The following ADAT3 variants were observed in gnomAD, a reference collection of about 807,000 sequenced individuals.
ADAT3 encodes adenosine deaminase tRNA specific 3.
Under a neutral mutation model 3.5 loss-of-function variants are expected in ADAT3, and 2 were observed. The ratio of observed to expected loss-of-function variants is 0.57; its 90% confidence interval spans 0.23 to 1.79. ADAT3 has a LOEUF of 1.79. ADAT3 is among the 40% of genes most tolerant of loss of function. ADAT3 has a pLI of 0.18. For synonymous variants in ADAT3, 358 were observed against 270.3 expected, an observed-to-expected ratio of 1.32 and a Z score of -3.18; for missense variants, 735 against 571.4, an observed-to-expected ratio of 1.29 and a Z score of -2.92.
intron 1 of ADAT3, among the ~76,000 whole-genome samples, chr19:1,909,949 C>A (rs1320530464): frequency 6.6e-6 from 1 of 152,208 alleles, no homozygotes; most frequent in African/African-American, 2.4e-5. Context: ...CCTTGGCCGA[C>A]TAGGGGGCGA....
At position 1,912,334 on chromosome 19, in the gene ADAT3, C is replaced by T. The variant is rs1184179135; in HGVS notation, c.287C>T (p.Pro96Leu). Reference protein sequence around the residue: ...PAQPHLKRVRPSRDAGSPHAL... With the variant: ...PAQPHLKRVRLSRDAGSPHAL... ...CAGCCTCACCTCAAGCGGGTGCGGC[C>T]CAGCCGCGATGCCGGCAGCCCCCAC... Residue 96 changes from proline to leucine, a missense_variant, in exon 2 of 2, where the codon CCC (proline) becomes CTC (leucine). Transcript: ENST00000329478. 2.0e-6 allele frequency: 3 copies of T among 1,537,040 alleles called. No homozygotes were observed. The highest frequency in any genetic ancestry group is 1.4e-5 in the African/African-American group (1 of 70,502).
In ADAT3 at chr19:1,913,313, C is replaced by T. The variant is rs2013600894; in HGVS notation, c.*162C>T. 3.6e-6 allele frequency: 4 copies of T among 1,113,676 alleles called. No homozygotes were observed. Among genetic ancestry groups the T allele is most frequent in the South Asian group, 3.4e-5 (2 of 58,796 alleles). 69.0% of individuals were successfully genotyped at this position (1,113,676 alleles called of 1,614,324 possible). ...GGTGCTGCCTTCCGTGCGGATCGAGCTTTCCTGGACTCGGTCATTGGGGCC... is the reference window on the plus strand; with the variant it reads ...GGTGCTGCCTTCCGTGCGGATCGAGTTTTCCTGGACTCGGTCATTGGGGCC... On this transcript the variant is annotated 3_prime_UTR_variant, in exon 2 of 2. Transcript: ENST00000329478.
At position 1,912,046 on chromosome 19, in the gene ADAT3, G is replaced by A. The variant is rs1241126435; in HGVS notation, c.-2G>A. ...TCTCCCCCAGCCGCCCGCAGCCGCC[G>A]GATGATCCTCTGCTCCCGTCTCTGT... On this transcript the variant is annotated 5_prime_UTR_variant, in exon 2 of 2. Transcript: ENST00000329478. 2 of 1,418,302 alleles carry A rather than the reference G, an allele frequency of 1.4e-6. No homozygotes were observed. The highest frequency in any genetic ancestry group is 2.9e-5 in the Admixed American group (1 of 33,902). The allele number at this position is 1,418,302 out of a possible 1,614,324, so 87.9% of individuals were successfully genotyped here. A position where few individuals can be genotyped will look rare whatever the true frequency, so the allele number is the denominator to read the frequency against.
chr19:1,905,829 C>T (rs2013083536), intron 1 of ADAT3: 2 of 152,420 alleles, frequency 1.3e-5, no homozygotes, highest in Admixed American at 1.3e-4. Flanking sequence ...GTTTCCGTAG[C>T]CTTCGCGTCC....
In ADAT3 at chr19:1,913,157, GC is replaced by G; in HGVS notation, c.*9del. ...GGCTGGACCCCGACACGTAGGCGCCGCCCTCCTGCCTCCGGACCCTTCCCGC... is the reference window on the plus strand; with the variant it reads ...GGCTGGACCCCGACACGTAGGCGCCGCCTCCTGCCTCCGGACCCTTCCCGC... On this transcript the variant is annotated 3_prime_UTR_variant, in exon 2 of 2. Transcript: ENST00000329478. 6.5e-7 allele frequency: 1 copy of G among 1,529,338 alleles called. No homozygotes were observed. Among genetic ancestry groups the G allele is most frequent in the Non-Finnish European group, 8.8e-7 (1 of 1,140,638 alleles). The allele number at this position is 1,529,338 out of a possible 1,614,324, so 94.7% of individuals were successfully genotyped here.
rs1223047145 is a variant in ADAT3, at chr19:1,912,792, G to A, written c.745G>A (p.Ala249Thr). The change falls in exon 2 of 2, where the codon GCG becomes ACG. Residue 249 changes from alanine to threonine, a missense_variant. Physicochemically the swap from Ala to Thr is moderately conservative, Grantham distance 58 (BLOSUM62 0). Transcript: ENST00000329478. The stretch of plus-strand genomic sequence containing the variant: ...CGTCATGGTGTGCGTGGACCTCGTG[G>A]CGCGCGGCCAGGGCCGCGGCACCTA... ...HAVMVCVDLV[A>T]RGQGRGTYDF... is the part of the protein sequence containing the mutation. 3.8e-6 allele frequency: 6 copies of A among 1,571,810 alleles called. No homozygotes were observed. Among genetic ancestry groups the A allele is most frequent in the African/African-American group, 2.7e-5 (2 of 73,760 alleles).
In ADAT3 at chr19:1,912,673, G is replaced by A. The variant is rs751313469; in HGVS notation, c.626G>A (p.Arg209Gln). 7.0e-5 allele frequency: 101 copies of A among 1,437,068 alleles called. No individual in the cohort carries two copies. Among genetic ancestry groups the A allele is most frequent in the South Asian group, 1.1e-4 (8 of 70,712 alleles). 89.0% of individuals were successfully genotyped at this position (1,437,068 alleles called of 1,614,324 possible). ...AARRAAARGL[R>Q]AVGAVVVDPA... ...CGGCGGGCAGCAGCGCGGGGCTTGC[G>A]GGCCGTGGGGGCCGTGGTAGTGGAC... Residue 209 changes from arginine (R) to glutamine (Q), a missense_variant, in exon 2 of 2, where the codon CGG becomes CAG. Arg to Gln is a conservative substitution (Grantham distance 43). Coordinates refer to ENST00000329478, the MANE Select transcript of ADAT3 (RefSeq NM_138422.4).
chr19:1,909,190 G>C (rs996048228), intron 1 of ADAT3, among the ~76,000 whole-genome samples: 3 of 152,114 alleles, frequency 2.0e-5, no homozygotes, highest in African/African-American at 7.2e-5. Context: ...GGGGGCAGAT[G>C]CAGGTGGGGG....
At position 1,908,684 on chromosome 19, in the gene ADAT3, G is replaced by A; in HGVS notation, c.-158-3206G>A. 2.3e-6 allele frequency: 1 copy of A among 428,568 alleles called. No homozygotes were observed. Among genetic ancestry groups the A allele is most frequent in the Non-Finnish European group, 4.7e-6 (1 of 213,172 alleles). 26.5% of individuals were successfully genotyped at this position (428,568 alleles called of 1,614,324 possible). ...TTATTATTTATTTATTTGAAAAAAG[G>A]AACAGGGTCTCTCTATCTTGCCCAC... On this transcript the variant is annotated intron_variant, in intron 1 of 1. Transcript: ENST00000329478. This position sits in a 1 kb window ranked among gnomAD's most constrained non-coding sequence, Gnocchi z 4.2.
chr19:1,912,671 G>A lies in ADAT3; in HGVS notation c.624G>A (p.Leu208=). ...WAARRAAARG[L]RAVGAVVVDP... is the part of the protein sequence containing the mutation. ...CCCGGCGGGCAGCAGCGCGGGGCTT[G>A]CGGGCCGTGGGGGCCGTGGTAGTGG... Residue 208 remains leucine (L), a synonymous_variant, in exon 2 of 2, where the codon TTG becomes TTA. Transcript: ENST00000329478. 2 of 1,438,324 alleles carry A rather than the reference G, an allele frequency of 1.4e-6. No homozygotes were observed. Among genetic ancestry groups the A allele is most frequent in the Non-Finnish European group, 1.8e-6 (2 of 1,106,584 alleles). The allele number at this position is 1,438,324 out of a possible 1,614,324, so 89.1% of individuals were successfully genotyped here.
In ADAT3 at chr19:1,912,028, C is replaced by T; in HGVS notation, c.-20C>T. ...CGGGACGGACTCCCCGGCTCTCCCC[C>T]AGCCGCCCGCAGCCGCCGGATGATC... On this transcript the variant is annotated 5_prime_UTR_variant, in exon 2 of 2. Coordinates refer to ENST00000329478, the MANE Select transcript of ADAT3 (RefSeq NM_138422.4). The T allele has an allele frequency of 1.4e-6, 2 of 1,416,600 alleles. No homozygotes were observed. The highest frequency in any genetic ancestry group is 9.2e-7 in the Non-Finnish European group (1 of 1,091,972). 87.8% of individuals were successfully genotyped at this position (1,416,600 alleles called of 1,614,324 possible).
chr19:1,912,880 C>T lies in ADAT3; in HGVS notation c.833C>T (p.Ala278Val), dbSNP rs1296234519. The T allele has an allele frequency of 6.2e-7, 1 of 1,604,804 alleles. No homozygotes were observed. Among genetic ancestry groups the T allele is most frequent in the Admixed American group, 1.7e-5 (1 of 59,914 alleles). The change falls in exon 2 of 2, where the codon GCA (alanine) becomes GTA (valine). Residue 278 changes from alanine (A) to valine (V), a missense_variant. Ala to Val is a moderately conservative substitution (Grantham distance 64). Transcript: ENST00000329478. ...GCCGCTGCCCCCCAGGCCGTCCGCG[C>T]AGGCGCCGTGCGTAAACTGGACGCA... ...APAAAPQAVR[A>V]GAVRKLDADE...
chr19:1,908,514 A>T lies in ADAT3; in HGVS notation c.-159+3075A>T, dbSNP rs750587045. 2 of 470,898 alleles carry T rather than the reference A, an allele frequency of 4.2e-6. No homozygotes were observed. The highest frequency in any genetic ancestry group is 8.8e-6 in the Non-Finnish European group (2 of 227,016). 29.2% of individuals were successfully genotyped at this position (470,898 alleles called of 1,614,324 possible). A position where few individuals can be genotyped will look rare whatever the true frequency, so the allele number is the denominator to read the frequency against. ...GGAGGAGCCGTCCATACCAGCGGGG[A>T]TGTGTAGTCCAGGCTGGCAGTTCAG... On this transcript the variant is annotated intron_variant, in intron 1 of 1. Transcript: ENST00000329478. This position sits in a 1 kb window ranked among gnomAD's most constrained non-coding sequence, Gnocchi z 4.2.
chr19:1,913,102 TC>T lies in ADAT3; in HGVS notation c.1057del (p.Arg353AlafsTer?). 1 of 1,596,012 alleles carries T rather than the reference TC, an allele frequency of 6.3e-7. No individual in the cohort carries two copies. The highest frequency in any genetic ancestry group is 8.5e-7 in the Non-Finnish European group (1 of 1,175,912). On this transcript the variant is annotated frameshift_variant, in exon 2 of 2. Transcript: ENST00000329478. LOFTEE classifies it high-confidence loss of function. ...RPDLNHRFQV[F>X]RGVLEEQCRW... ...GACCTCAACCACCGCTTCCAGGTGT[TC>T]CGCGGGGTGCTGGAGGAGCAGTGCC...
At chr19:1,909,396 G>T (rs181281966) in intron 1 of ADAT3, among the ~76,000 whole-genome samples, 5 of 152,306 alleles carry the variant, frequency 3.3e-5, no homozygotes, top group African/African-American at 9.6e-5. Flanking sequence ...CCGAGAGCTG[G>T]GGGCCCCACC....
intron 1 of ADAT3, among the ~76,000 whole-genome samples, chr19:1,910,310 G>GCT (rs1334836432): frequency 2.0e-5 from 3 of 152,206 alleles, no homozygotes; most frequent in Admixed American, 2.0e-4. Flanking sequence ...CAAGGGTCCT[G>GCT]CTCAGTTCCT....
Position 1,912,068 on chromosome 19 carries a change from C to CT in ADAT3, c.22dup (p.Cys8LeufsTer31). The CT allele has an allele frequency of 6.9e-7, 1 of 1,439,804 alleles. No individual in the cohort carries two copies. The highest frequency in any genetic ancestry group is 9.1e-7 in the Non-Finnish European group (1 of 1,101,960). The allele number at this position is 1,439,804 out of a possible 1,614,324, so 89.2% of individuals were successfully genotyped here. ...GCCGGATGATCCTCTGCTCCCGTCTCTGTCTCCCACAGTCGGCCTCGCTGA... is the reference window on the plus strand; with the variant it reads ...GCCGGATGATCCTCTGCTCCCGTCTCTTGTCTCCCACAGTCGGCCTCGCTGA... On this transcript the variant is annotated frameshift_variant, in exon 2 of 2. Coordinates refer to ENST00000329478, the MANE Select transcript of ADAT3 (RefSeq NM_138422.4). LOFTEE classifies it low-confidence loss of function (END_TRUNC).
chr19:1,909,835 C>T (rs2013343652), intron 1 of ADAT3, among the ~76,000 whole-genome samples: 3 of 152,186 alleles, frequency 2.0e-5, no homozygotes, highest in Admixed American at 2.0e-4. Context: ...ACCACAGCTG[C>T]AGGAATGTGG....
Position 1,912,671 on chromosome 19 carries a change from G to C in ADAT3, c.624G>C (p.Leu208Phe). Reference protein sequence around the residue: ...WAARRAAARGLRAVGAVVVDP... With the variant: ...WAARRAAARGFRAVGAVVVDP... ...CCCGGCGGGCAGCAGCGCGGGGCTT[G>C]CGGGCCGTGGGGGCCGTGGTAGTGG... Residue 208 changes from leucine (L) to phenylalanine (F), a missense_variant, in exon 2 of 2, where the codon TTG becomes TTC. Physicochemically the swap from Leu to Phe is conservative, Grantham distance 22. Transcript: ENST00000329478. The C allele has an allele frequency of 7.0e-7, 1 of 1,438,324 alleles. No homozygotes were observed. Among genetic ancestry groups the C allele is most frequent in the African/African-American group, 1.5e-5 (1 of 66,386 alleles). 89.1% of individuals were successfully genotyped at this position (1,438,324 alleles called of 1,614,324 possible).
Sources: allele counts gnomAD v4.1 joint callset (sites outside exome capture counted in the v4.1 genomes callset), GRCh38; gene constraint gnomAD v4.1.1; non-coding constraint Gnocchi (gnomAD v3.1); transcripts MANE v1.5; gene names NCBI Gene and HGNC (gene_info 2026-07-23, HGNC 2026-07-21).